The following TDRD6 variants were observed in gnomAD, a reference collection of about 807,000 sequenced individuals.
The protein encoded by TDRD6 is tudor domain-containing protein 6.
In TDRD6, 186 loss-of-function variants were observed where a neutral mutation model predicts 157.5. The ratio of observed to expected loss-of-function variants is 1.18; its 90% CI spans 1.05 to 1.33. The LOEUF is 1.33. Ranked by LOEUF, TDRD6 falls within the 40% of genes most tolerant of loss-of-function variation. TDRD6 has a pLI of 0.00. For missense variants in TDRD6, 3,066 were observed against 2,508.0 expected, an observed-to-expected ratio of 1.22 and a Z score of -4.75; for synonymous variants, 1,075 against 945.2, an observed-to-expected ratio of 1.14 and a Z score of -2.52.
At position 46,689,342 on chromosome 6, in the gene TDRD6, T is replaced by G. The variant is rs1764232386; in HGVS notation, c.1214T>G (p.Val405Gly). The G allele has an allele frequency of 1.2e-6, 2 of 1,613,984 alleles. No individual in the cohort carries two copies. The highest frequency in any genetic ancestry group is 1.7e-6 in the Non-Finnish European group (2 of 1,179,860). The change falls in exon 1 of 4, where the codon GTG (valine) becomes GGG (glycine). Residue 405 changes from valine (V) to glycine (G), a missense_variant. By Grantham distance (109) the Val-to-Gly change is moderately radical. Coordinates refer to ENST00000316081, the MANE Select transcript of TDRD6 (RefSeq NM_001010870.3). ...DLKTLILGKAVNAKIEFYCSF... is the reference protein window; with the variant it reads ...DLKTLILGKAGNAKIEFYCSF... Reference sequence around the variant, plus strand: ...AAGACACTGATACTAGGCAAGGCAGTGAATGCAAAGATTGAATTTTATTGC... The same window carrying G: ...AAGACACTGATACTAGGCAAGGCAGGGAATGCAAAGATTGAATTTTATTGC...
At chr6:46,687,297 TAGAC>T (rs1228693317), upstream of TDRD6, among the ~76,000 whole-genome samples, 1 of 152,172 alleles carries the variant, frequency 6.6e-6, no homozygotes, top group Non-Finnish European at 1.5e-5. Flanking sequence ...ATGCCAGAGT[TAGAC>T]AGCAAAGGAG....
chr6:46,696,607 T>A (rs1270325488), intron 2 of TDRD6, among the ~76,000 whole-genome samples: 79 of 54,262 alleles, frequency 1.5e-3, no homozygotes, highest in Non-Finnish European at 1.8e-3. Context: ...ATATATTTTT[T>A]TTTTTTTTTT....
rs753507501 is a variant in TDRD6 at position 46,701,864 on chromosome 6, G to A, written c.6268G>A (p.Gly2090Ser). ...KLDKSPPEKR[G>S]LEVMEI ...TTTTCTCTTTTTGTTTCAGAAAAGG[G>A]GTTTGGAGGTGATGGAGATTTAACC... The change falls in exon 4 of 4, where the codon GGT becomes AGT. Residue 2090 changes from glycine (G) to serine (S), a missense_variant. Physicochemically the swap from Gly to Ser is moderately conservative, Grantham distance 56. Transcript: ENST00000316081. 3.6e-5 allele frequency: 58 copies of A among 1,612,652 alleles called. No individual in the cohort carries two copies. Among genetic ancestry groups the A allele is most frequent in the African/African-American group, 6.7e-5 (5 of 74,834 alleles).
chr6:46,695,990 T>C (rs1562060038), intron 2 of TDRD6, 45 bp downstream of exon 2: 3 of 1,583,254 alleles, frequency 1.9e-6, no homozygotes, highest in Non-Finnish European at 2.6e-6. Context: ...ATTTGCAGAC[T>C]ATTAAGGAAA....
chr6:46,690,993 A>G lies in TDRD6; in HGVS notation c.2865A>G (p.Arg955=). The G allele has an allele frequency of 6.2e-7, 1 of 1,614,052 alleles. No individual in the cohort carries two copies. Among genetic ancestry groups the G allele is most frequent in the Non-Finnish European group, 8.5e-7 (1 of 1,179,966 alleles). ...CATGCCATTTCTTGGTAGAAAAGAG[A>G]CTTGCAAGACCAGTAAAACTTCAGA... is the stretch of plus-strand genomic sequence containing the variant. ...QSACHFLVEK[R]LARPVKLQKP... The change falls in exon 1 of 4, where the codon AGA becomes AGG. Residue 955 remains arginine, a synonymous_variant. Coordinates refer to ENST00000316081, the MANE Select transcript of TDRD6 (RefSeq NM_001010870.3).
chr6:46,693,679 C>G lies in TDRD6; in HGVS notation c.5551C>G (p.Leu1851Val), dbSNP rs1399770255. The G allele has an allele frequency of 6.2e-7, 1 of 1,614,030 alleles. No individual in the cohort carries two copies. Among genetic ancestry groups the G allele is most frequent in the Non-Finnish European group, 8.5e-7 (1 of 1,180,046 alleles). ...TGATGAATCAAAAGAATTCTTAGAACTGGAATCTATTGAGTTACAGAATTC... is the reference window on the plus strand; with the variant it reads ...TGATGAATCAAAAGAATTCTTAGAAGTGGAATCTATTGAGTTACAGAATTC... ...PDDESKEFLE[L>V]ESIELQNSLV... The change falls in exon 1 of 4, where the codon CTG becomes GTG. Residue 1851 changes from leucine to valine, a missense_variant. Physicochemically the swap from Leu to Val is conservative, Grantham distance 32 (BLOSUM62 1). Transcript: ENST00000316081.
Position 46,693,897 on chromosome 6 carries a change from G to A in TDRD6, c.5769G>A (p.Leu1923=). The A allele has an allele frequency of 1.2e-6, 2 of 1,614,198 alleles. No individual in the cohort carries two copies. The highest frequency in any genetic ancestry group is 1.7e-6 in the Non-Finnish European group (2 of 1,180,030). The part of the protein sequence containing the change: ...QLPLDDKMDP[L]SLGVSQKAQE... ...CTTTAGATGACAAGATGGATCCTTT[G>A]TCTTTAGGAGTTAGTCAGAAAGCAC... The change falls in exon 1 of 4, where the codon TTG becomes TTA. Residue 1923 remains leucine (L), a synonymous_variant. Transcript: ENST00000316081.
rs1468619751 is a variant in TDRD6 at position 46,692,402 on chromosome 6, T to C, written c.4274T>C (p.Val1425Ala). 3.1e-6 allele frequency: 5 copies of C among 1,614,006 alleles called. No homozygotes were observed. The highest frequency in any genetic ancestry group is 1.3e-5 in the African/African-American group (1 of 74,922). The change falls in exon 1 of 4, where the codon GTT becomes GCT. Residue 1425 changes from valine to alanine, a missense_variant. Val to Ala is a moderately conservative substitution (Grantham distance 64, BLOSUM62 0). Coordinates refer to ENST00000316081, the MANE Select transcript of TDRD6 (RefSeq NM_001010870.3). ...CATTGCTCCTTGCAGGGATTTGAGG[T>C]TCCTGACAATAAAAATTCTAAGAAA... ...CIHCSLQGFE[V>A]PDNKNSKKMM... is the part of the protein sequence containing the mutation.
At chr6:46,683,319 T>C (rs941526355), upstream of TDRD6, among the ~76,000 whole-genome samples, 1 of 151,488 alleles carries the variant, frequency 6.6e-6, no homozygotes, top group African/African-American at 2.4e-5. Flanking sequence ...TTAAAATGAA[T>C]CATAGACCTA....
chr6:46,697,136 AAAT>A (rs1764521979), intron 2 of TDRD6, among the ~76,000 whole-genome samples: 1 of 152,144 alleles, frequency 6.6e-6, no homozygotes, highest in African/African-American at 2.4e-5. Flanking sequence ...ACTTTATATT[AAAT>A]GGACATCAAA....
In TDRD6 at chr6:46,689,180, A is replaced by T; in HGVS notation, c.1052A>T (p.Lys351Met). The change falls in exon 1 of 4, where the codon AAG becomes ATG. Residue 351 changes from lysine to methionine, a missense_variant. By Grantham distance (95) the Lys-to-Met change is moderately conservative. Transcript: ENST00000316081. ...AQVLHVDYGR[K>M]ELVSCSSLRY... Reference sequence around the variant, plus strand: ...GTGCTTCATGTGGACTATGGAAGGAAGGAGTTAGTGAGTTGCAGCAGCCTT... The same window carrying T: ...GTGCTTCATGTGGACTATGGAAGGATGGAGTTAGTGAGTTGCAGCAGCCTT... 1 of 1,614,156 alleles carries T rather than the reference A, an allele frequency of 6.2e-7. No homozygotes were observed. The highest frequency in any genetic ancestry group is 8.5e-7 in the Non-Finnish European group (1 of 1,180,024).
In TDRD6 at chr6:46,689,537, A is replaced by T. The variant is rs764594702; in HGVS notation, c.1409A>T (p.Asp470Val). The change falls in exon 1 of 4, where the codon GAT becomes GTT. Residue 470 changes from aspartate (D) to valine (V), a missense_variant. Coordinates refer to ENST00000316081, the MANE Select transcript of TDRD6 (RefSeq NM_001010870.3). ...TCTCAGTCTCCTGCTGAAGAAGTAG[A>T]TGAAGAGATTTCACTCCCAGCCTTA... ...SQSQSPAEEV[D>V]EEISLPALRS... The T allele has an allele frequency of 3.1e-6, 5 of 1,614,114 alleles. No individual in the cohort carries two copies. The highest frequency in any genetic ancestry group is 4.2e-6 in the Non-Finnish European group (5 of 1,180,028).
the TDRD6 span, among the ~76,000 whole-genome samples, chr6:46,680,307 G>A: frequency 1.3e-5 from 2 of 151,684 alleles, no homozygotes; most frequent in Non-Finnish European, 1.5e-5. Flanking sequence ...CCTGGGCAAC[G>A]GAGGGAGACT....
intron 2 of TDRD6, among the ~76,000 whole-genome samples, chr6:46,696,715 C>T (rs1003466681): frequency 7.0e-6 from 1 of 143,638 alleles, no homozygotes; most frequent in African/African-American, 2.6e-5. Flanking sequence ...AGGTTCACAC[C>T]ATTCTCCTGC....
Position 46,688,104 on chromosome 6 carries a change from G to A in TDRD6, c.-25G>A. On this transcript the variant is annotated 5_prime_UTR_variant, in exon 1 of 4. It adds an upstream start codon to the 5' untranslated region. Transcript: ENST00000316081. ...GAGGCGCGGCCCTTAATTTCCGGAA[G>A]TGGGGGCCGCGCCGCGCCGTCAAGA... 4.1e-6 allele frequency: 6 copies of A among 1,457,620 alleles called. No homozygotes were observed. Among genetic ancestry groups the A allele is most frequent in the Non-Finnish European group, 5.4e-6 (6 of 1,115,380 alleles). 90.3% of individuals were successfully genotyped at this position (1,457,620 alleles called of 1,614,324 possible).
rs755005697 is a variant in TDRD6, at chr6:46,692,351, A to G, written c.4223A>G (p.Asn1408Ser). Reference sequence around the variant, plus strand: ...AAAATAGGTAGGCTTGACCTTGTTAATGCAATATTGCCGGGGTTGTGCATT... The same window carrying G: ...AAAATAGGTAGGCTTGACCTTGTTAGTGCAATATTGCCGGGGTTGTGCATT... The part of the protein sequence containing the change: ...TNKIGRLDLV[N>S]AILPGLCIHC... The change falls in exon 1 of 4, where the codon AAT becomes AGT. Residue 1408 changes from asparagine (N) to serine (S), a missense_variant. By Grantham distance (46) the Asn-to-Ser change is conservative. Coordinates refer to ENST00000316081, the MANE Select transcript of TDRD6 (RefSeq NM_001010870.3). 2.6e-5 allele frequency: 42 copies of G among 1,614,194 alleles called. No individual in the cohort carries two copies. In the East Asian group the frequency reaches 9.1e-4, roughly 35 times the overall value.
In TDRD6 at chr6:46,688,104, G is replaced by T; in HGVS notation, c.-25G>T. On this transcript the variant is annotated 5_prime_UTR_variant, in exon 1 of 4. Coordinates refer to ENST00000316081, the MANE Select transcript of TDRD6 (RefSeq NM_001010870.3). ...GAGGCGCGGCCCTTAATTTCCGGAA[G>T]TGGGGGCCGCGCCGCGCCGTCAAGA... 1 of 1,457,618 alleles carries T rather than the reference G, an allele frequency of 6.9e-7. No individual in the cohort carries two copies. Among genetic ancestry groups the T allele is most frequent in the Non-Finnish European group, 9.0e-7 (1 of 1,115,380 alleles). 90.3% of individuals were successfully genotyped at this position (1,457,618 alleles called of 1,614,324 possible).
Position 46,688,380 on chromosome 6 carries a change from C to T in TDRD6, c.252C>T (p.Cys84=), listed in dbSNP as rs2150675465. 2.0e-6 allele frequency: 3 copies of T among 1,535,328 alleles called. No homozygotes were observed. Among genetic ancestry groups the T allele is most frequent in the African/African-American group, 1.4e-5 (1 of 72,880 alleles). The change falls in exon 1 of 4, where the codon TGC becomes TGT. Residue 84 remains cysteine (C), a synonymous_variant. Transcript: ENST00000316081. ...LVQVGLLWHR[C]RVVSRQAQES... ...AGGTCGGGCTTTTGTGGCACCGCTG[C>T]CGCGTGGTCAGCCGGCAGGCACAGG...
At position 46,689,783 on chromosome 6, in the gene TDRD6, A is replaced by C; in HGVS notation, c.1655A>C (p.Tyr552Ser). The C allele has an allele frequency of 1.2e-6, 2 of 1,614,190 alleles. No individual in the cohort carries two copies. The highest frequency in any genetic ancestry group is 2.2e-5 in the South Asian group (2 of 91,088). Reference protein sequence around the residue: ...LCCVKWKENGYYRAIVTKLDD... With the variant: ...LCCVKWKENGSYRAIVTKLDD... Reference sequence around the variant, plus strand: ...TGTGTCAAGTGGAAAGAAAATGGTTATTATAGGGCCATAGTCACCAAATTG... The same window carrying C: ...TGTGTCAAGTGGAAAGAAAATGGTTCTTATAGGGCCATAGTCACCAAATTG... The change falls in exon 1 of 4, where the codon TAT (tyrosine) becomes TCT (serine). Residue 552 changes from tyrosine to serine, a missense_variant. Tyr to Ser is a moderately radical substitution (Grantham distance 144, BLOSUM62 -2). Transcript: ENST00000316081.
Sources: gnomAD v4.1 joint callset for allele counts (sites outside exome capture counted in the v4.1 genomes callset) on GRCh38, gnomAD v4.1.1 for gene constraint, MANE v1.5 for transcripts, NCBI Gene and HGNC (gene_info 2026-07-23, HGNC 2026-07-21) for gene names.